The following ASTN2 variants were observed in gnomAD, a reference collection of about 807,000 sequenced individuals.
ASTN2 encodes the protein astrotactin-2.
Under a neutral mutation model 139.8 loss-of-function variants are expected in ASTN2, and 54 were observed. That is an observed-to-expected ratio of 0.39 (90% CI 0.31 to 0.48). The LOEUF (loss-of-function observed/expected upper bound fraction) is 0.48. ASTN2 is among the 20% of genes least tolerant of loss of function. ASTN2 has a pLI of 0.95. For missense variants in ASTN2, 1,565 were observed against 1,725.1 expected (o/e 0.91, Z 1.64); for synonymous variants, 756 against 719.5 (o/e 1.05, Z -0.81).
chr9:117,196,703 T>C (rs1831515395), intron 3 of ASTN2, among the ~76,000 whole-genome samples: 1 of 152,178 alleles, frequency 6.6e-6, no homozygotes, highest in African/African-American at 2.4e-5. Context: ...TCATGGTAAC[T>C]ATGAGGACTG....
In ASTN2 at chr9:116,631,974, C is replaced by T. The variant is rs1041644936; in HGVS notation, c.3073-11531G>A. On this transcript the variant is annotated intron_variant, in intron 17 of 22. Transcript: ENST00000313400. ...ACTAAAAACACAAAAATTAGCTGGG[C>T]GTTGTGGCACACACCTGTAGTGCCA... 1.1e-4 allele frequency among the ~76,000 whole-genome samples: 16 copies of T among 151,596 alleles called. No individual in the cohort carries two copies. In the South Asian group the frequency reaches 1.9e-3, roughly 18 times the overall value.
At chr9:117,009,507 GAT>G (rs1837451449) in intron 6 of ASTN2, among the ~76,000 whole-genome samples, 1 of 151,990 alleles carries the variant, frequency 6.6e-6, no homozygotes, top group Admixed American at 6.6e-5. Context: ...ACAAAACAAA[GAT>G]AGAATTTCAC....
chr9:117,203,191 A>G (rs1239157820), intron 3 of ASTN2, among the ~76,000 whole-genome samples: 3 of 151,884 alleles, frequency 2.0e-5, no homozygotes, highest in Non-Finnish European at 2.9e-5. Context: ...CCATCAGGTC[A>G]TTTATCTTCT....
At chr9:117,117,371 A>C (rs1829422814) in intron 4 of ASTN2, among the ~76,000 whole-genome samples, 1 of 117,548 alleles carries the variant, frequency 8.5e-6, no homozygotes, top group Admixed American at 8.8e-5. Flanking sequence ...AAGTGGAGAA[A>C]AAAAAAAAGA....
intron 10 of ASTN2, among the ~76,000 whole-genome samples, chr9:116,954,374 T>C (rs1489927108): frequency 6.6e-6 from 1 of 152,224 alleles, no homozygotes; most frequent in African/African-American, 2.4e-5. Flanking sequence ...CAGATTCTAA[T>C]TTAGTTTGTC....
chr9:117,342,602 C>T (rs890346000), intron 1 of ASTN2, among the ~76,000 whole-genome samples: 1 of 152,146 alleles, frequency 6.6e-6, no homozygotes, highest in African/African-American at 2.4e-5. Context: ...TTTGTTTCCT[C>T]TGGCTAGGTC....
intron 17 of ASTN2, among the ~76,000 whole-genome samples, chr9:116,629,941 T>C (rs780834266): frequency 5.1e-4 from 78 of 152,342 alleles, no homozygotes; most frequent in Admixed American, 3.1e-3. Flanking sequence ...ATGATAGGAT[T>C]ATATGATCCT....
intron 16 of ASTN2, among the ~76,000 whole-genome samples, chr9:116,696,959 A>AG (rs1157820626): frequency 2.6e-5 from 4 of 151,616 alleles, no homozygotes; most frequent in Middle Eastern, 3.4e-3. Flanking sequence ...TTAAAAAAAA[A>AG]AAAAAAAGCC....
chr9:117,396,102 G>A (rs1023968530), intron 1 of ASTN2, among the ~76,000 whole-genome samples: 7 of 152,198 alleles, frequency 4.6e-5, no homozygotes, highest in African/African-American at 1.7e-4. Flanking sequence ...GGAATCCTAG[G>A]AAGGGTTATG....
At chr9:117,296,186 G>A (rs1314377480) in intron 1 of ASTN2, among the ~76,000 whole-genome samples, 1 of 147,040 alleles carries the variant, frequency 6.8e-6, no homozygotes, top group Non-Finnish European at 1.5e-5. Context: ...GCTGAGGCAG[G>A]AGAATCACTT....
At chr9:117,394,350 G>A (rs1409032469) in intron 1 of ASTN2, among the ~76,000 whole-genome samples, 1 of 152,122 alleles carries the variant, frequency 6.6e-6, no homozygotes. Flanking sequence ...TAAAAATTAA[G>A]TAAAATTTAA....
chr9:116,712,947 A>T (rs1193982561), intron 16 of ASTN2, among the ~76,000 whole-genome samples: 1 of 152,150 alleles, frequency 6.6e-6, no homozygotes, highest in Non-Finnish European at 1.5e-5. Flanking sequence ...AGTACATGTC[A>T]TGTGGACTTG....
At chr9:116,782,310 C>T (rs566586961) in intron 13 of ASTN2, among the ~76,000 whole-genome samples, 2 of 152,144 alleles carry the variant, frequency 1.3e-5, no homozygotes, top group East Asian at 3.9e-4. Flanking sequence ...TATGACAGTC[C>T]CCAAGTACCA....
chr9:117,002,434 TG>T (rs1373741936), intron 7 of ASTN2, among the ~76,000 whole-genome samples: 1 of 152,074 alleles, frequency 6.6e-6, no homozygotes, highest in Non-Finnish European at 1.5e-5. Context: ...GGGGAATAAT[TG>T]TGAGTATGAG....
intron 12 of ASTN2, among the ~76,000 whole-genome samples, chr9:116,815,112 C>T (rs1357251306): frequency 6.6e-6 from 1 of 152,148 alleles, no homozygotes. Flanking sequence ...TGAATTCCCC[C>T]ATCTCCCACC....
rs146134853 is a variant in ASTN2 at position 116,860,360 on chromosome 9, T to C, written c.2040+3223A>G. ...ATCCACTACATACAAATATCAGTAA[T>C]GTGGTCTCCTTATCTCACTCATAAA... On this transcript the variant is annotated intron_variant, in intron 11 of 22. Coordinates refer to ENST00000313400, the MANE Select transcript of ASTN2 (RefSeq NM_001365068.1). Among the ~76,000 whole-genome samples, 928 of 152,352 alleles carry C rather than the reference T, an allele frequency of 6.1e-3. 9 individuals are homozygous for C. The highest frequency in any genetic ancestry group is 0.021 in the African/African-American group (873 of 41,588).
intron 5 of ASTN2, among the ~76,000 whole-genome samples, chr9:117,062,051 C>T (rs1483912876): frequency 6.6e-6 from 1 of 152,192 alleles, no homozygotes; most frequent in Admixed American, 6.5e-5. Flanking sequence ...GAGCTGGGAT[C>T]TCACGCAAGG....
chr9:116,904,627 A>C (rs1260581861), intron 10 of ASTN2, among the ~76,000 whole-genome samples: 1 of 152,242 alleles, frequency 6.6e-6, no homozygotes, highest in African/African-American at 2.4e-5. Context: ...GTTCATTAAT[A>C]CATGTAAACC....
intron 3 of ASTN2, among the ~76,000 whole-genome samples, chr9:117,193,393 A>G (rs1831400184): frequency 6.6e-6 from 1 of 152,060 alleles, no homozygotes; most frequent in African/African-American, 2.4e-5. Context: ...TAATCCCAGC[A>G]CTCTGGGAGG....
Sources: gnomAD v4.1 joint callset for allele counts (sites outside exome capture counted in the v4.1 genomes callset) on GRCh38, gnomAD v4.1.1 for gene constraint, MANE v1.5 for transcripts, NCBI Gene and HGNC (gene_info 2026-07-23, HGNC 2026-07-21) for gene names.